The following SLC5A10 variants were observed in gnomAD, a reference collection of about 807,000 sequenced individuals.
The protein encoded by SLC5A10 is solute carrier family 5 member 10.
A neutral mutation model predicts 68.9 loss-of-function variants in SLC5A10; 55 were observed. The ratio of observed to expected loss-of-function variants is 0.80; its 90% CI spans 0.64 to 1.00. SLC5A10 has a LOEUF of 1.00. SLC5A10 is among the 50% of genes least tolerant of loss of function. SLC5A10 has a pLI of 0.00. For missense variants in SLC5A10, 732 were observed against 819.3 expected, an observed-to-expected ratio of 0.89 and a Z score of 1.30; for synonymous variants, 344 against 344.8, an observed-to-expected ratio of 1.00 and a Z score of 0.02.
chr17:18,978,670 G>A, intron 9 of SLC5A10: 1 of 1,613,010 alleles, frequency 6.2e-7, no homozygotes. Context: ...GCACCAGGGG[G>A]ACCACAGAGG....
At chr17:19,007,058 T>C (rs1201548180) in intron 9 of SLC5A10, among the ~76,000 whole-genome samples, 2 of 152,228 alleles carry the variant, frequency 1.3e-5, no homozygotes, top group East Asian at 3.8e-4. Context: ...AGAGTGTTAT[T>C]CCTGGGTCCT....
intron 9 of SLC5A10, among the ~76,000 whole-genome samples, chr17:18,982,292 C>T (rs778742374): frequency 1.2e-4 from 19 of 152,196 alleles, no homozygotes; most frequent in Non-Finnish European, 2.2e-4. Context: ...AGCAGGGCCC[C>T]CCACCTCTTG....
At chr17:18,957,063 C>T (rs546152978) in intron 1 of SLC5A10, among the ~76,000 whole-genome samples, 18 of 152,198 alleles carry the variant, frequency 1.2e-4, no homozygotes, top group Admixed American at 1.0e-3. Context: ...GCAGGAGAAC[C>T]GCTCGAACCC....
At chr17:19,002,419 T>G (rs1236414189) in intron 9 of SLC5A10, among the ~76,000 whole-genome samples, 1 of 152,220 alleles carries the variant, frequency 6.6e-6, no homozygotes, top group African/African-American at 2.4e-5. Flanking sequence ...CTGGTTTCTC[T>G]GCCCACGAAC....
intron 9 of SLC5A10, chr17:18,978,837 C>G: frequency 6.2e-7 from 1 of 1,611,842 alleles, no homozygotes; most frequent in Non-Finnish European, 8.5e-7. Flanking sequence ...GTCCGCGCGG[C>G]CGACCACGTG....
In SLC5A10 at chr17:19,000,694, C is replaced by A; in HGVS notation, c.983-12716C>A. ...GGGAAGGGGCCAGTGTGCGGCAAGGCGGCCCAGGCAGAGGGATCCCCATCC... is the reference window on the plus strand; with the variant it reads ...GGGAAGGGGCCAGTGTGCGGCAAGGAGGCCCAGGCAGAGGGATCCCCATCC... On this transcript the variant is annotated intron_variant, in intron 9 of 14. Transcript: ENST00000395645. This position sits in a 1 kb window ranked among gnomAD's most constrained non-coding sequence, Gnocchi z 5.2. 6.6e-6 allele frequency among the ~76,000 whole-genome samples: 1 copy of A among 152,260 alleles called. No individual in the cohort carries two copies. Among genetic ancestry groups the A allele is most frequent in the Non-Finnish European group, 1.5e-5 (1 of 68,000 alleles).
In SLC5A10 at chr17:19,017,240, C is replaced by T. The variant is rs58556923; in HGVS notation, c.1241+2041C>T. 2 of 1,521,136 alleles carry T rather than the reference C, an allele frequency of 1.3e-6. No homozygotes were observed. The highest frequency in any genetic ancestry group is 2.5e-5 in the East Asian group (1 of 40,730). 94.2% of individuals were successfully genotyped at this position (1,521,136 alleles called of 1,614,324 possible). On this transcript the variant is annotated intron_variant, in intron 11 of 14. Transcript: ENST00000395645. The surrounding 1 kb of genome is among the most constrained non-coding windows in gnomAD (Gnocchi z 5.6). ...TGGATAGAGCAGAAAGGGCCCCGTGCCAGGTGTCAGGCTGGCCAGCTCAAC... is the reference window on the plus strand; with the variant it reads ...TGGATAGAGCAGAAAGGGCCCCGTGTCAGGTGTCAGGCTGGCCAGCTCAAC...
At position 18,960,460 on chromosome 17, in the gene SLC5A10, G is replaced by A. The variant is rs1445117022; in HGVS notation, c.349-88G>A. The A allele has an allele frequency of 5.3e-5, 60 of 1,134,764 alleles. No homozygotes were observed. The South Asian group carries it at 6.7e-4, about 13-fold the overall frequency. The allele number at this position is 1,134,764 out of a possible 1,614,324, so 70.3% of individuals were successfully genotyped here. A position where few individuals can be genotyped will look rare whatever the true frequency, so the allele number is the denominator to read the frequency against. On this transcript the variant is annotated intron_variant, in intron 4 of 14. Coordinates refer to ENST00000395645, the MANE Select transcript of SLC5A10 (RefSeq NM_001042450.4). ...GGCTCGCAGCTGCTTTGTGGCGGGG[G>A]GAGAGGCAGAGTGATTGAGACAGGC...
At chr17:19,011,889 G>A (rs2044022572) in intron 9 of SLC5A10, among the ~76,000 whole-genome samples, 1 of 151,672 alleles carries the variant, frequency 6.6e-6, no homozygotes, top group South Asian at 2.1e-4. Flanking sequence ...CCATGGGCTG[G>A]GCATCTAAGA....
chr17:18,952,161 C>T (rs770802625), upstream of SLC5A10: 6 of 1,587,680 alleles, frequency 3.8e-6, no homozygotes, highest in South Asian at 5.7e-5. Flanking sequence ...CTGGTTTGCC[C>T]CTCAGTCCCT....
intron 9 of SLC5A10, among the ~76,000 whole-genome samples, chr17:18,994,233 A>G (rs1215701603): frequency 6.6e-6 from 1 of 152,242 alleles, no homozygotes; most frequent in African/African-American, 2.4e-5. Context: ...CTATGAAGCC[A>G]TGGACAACAG....
At chr17:18,951,436 C>CA (rs1567771544), upstream of SLC5A10, among the ~76,000 whole-genome samples, 25 of 151,372 alleles carry the variant, frequency 1.7e-4, no homozygotes, top group African/African-American at 4.3e-4. Flanking sequence ...GGATCATGTG[C>CA]GGAACAGCCA....
intron 9 of SLC5A10, among the ~76,000 whole-genome samples, chr17:18,981,984 C>A (rs1371886976): frequency 6.6e-6 from 1 of 152,240 alleles, no homozygotes; most frequent in African/African-American, 2.4e-5. Flanking sequence ...CCTGGCCCGG[C>A]CACAGACCCC....
At chr17:18,979,351 A>G (rs1417106320) in intron 9 of SLC5A10, 1 of 693,248 alleles carries the variant, frequency 1.4e-6, no homozygotes, top group African/African-American at 1.8e-5. Flanking sequence ...CCAAGCTGGA[A>G]CAACAGCGTC....
At chr17:18,964,814 C>T (rs918279214) in intron 5 of SLC5A10, among the ~76,000 whole-genome samples, 6 of 152,086 alleles carry the variant, frequency 3.9e-5, no homozygotes, top group South Asian at 2.1e-4. Context: ...GGGCCTCTGC[C>T]GGGCGGGGGT....
intron 5 of SLC5A10, among the ~76,000 whole-genome samples, chr17:18,964,234 T>A (rs1567780272): frequency 6.6e-6 from 1 of 152,182 alleles, no homozygotes; most frequent in Admixed American, 6.5e-5. Context: ...ACATGCCTCG[T>A]GGGTCTAGGT....
At chr17:18,960,727 C>A (rs2042598288) in intron 5 of SLC5A10, 75 bp downstream of exon 5, 1 of 1,340,526 alleles carries the variant, frequency 7.5e-7, no homozygotes, top group African/African-American at 1.4e-5. Flanking sequence ...GAGGACCTGA[C>A]ATCTTCTCAT....
chr17:18,978,908 C>T, intron 9 of SLC5A10: 1 of 1,578,494 alleles, frequency 6.3e-7, no homozygotes, highest in East Asian at 2.2e-5. Context: ...TCCGCCCAGC[C>T]CCCGTGCACC....
intron 9 of SLC5A10, among the ~76,000 whole-genome samples, chr17:18,993,224 C>G (rs967612787): frequency 6.6e-6 from 1 of 152,198 alleles, no homozygotes; most frequent in African/African-American, 2.4e-5. Flanking sequence ...CTGCCTCAAG[C>G]CACTGTGTCT....
Sources: gnomAD v4.1 joint callset for allele counts (sites outside exome capture counted in the v4.1 genomes callset) on GRCh38, gnomAD v4.1.1 for gene constraint, Gnocchi (gnomAD v3.1) non-coding constraint, MANE v1.5 for transcripts, NCBI Gene and HGNC (gene_info 2026-07-23, HGNC 2026-07-21) for gene names.